Variants in AK4 observed in about 807,000 individuals in gnomAD.
AK4 encodes adenylate kinase 4.
A neutral mutation model predicts 24.6 loss-of-function variants in AK4; 13 were observed. The ratio of observed to expected loss-of-function variants is 0.53; its 90% CI spans 0.34 to 0.84. The LOEUF (loss-of-function observed/expected upper bound fraction) is 0.84. Among genes scored for constraint, AK4 ranks in the 40% least tolerant of loss-of-function variants. The probability of loss-of-function intolerance (pLI) is 0.01; values close to 1 mark genes in which losing one functional copy is unlikely to be tolerated. For synonymous variants in AK4, 88 were observed against 107.0 expected (o/e 0.82, Z 1.10); for missense variants, 192 against 288.2 (o/e 0.67, Z 2.42).
chr1:65,168,232 C>T (rs899665755), intron 1 of AK4, among the ~76,000 whole-genome samples: 4 of 150,914 alleles, frequency 2.7e-5, no homozygotes, highest in South Asian at 2.1e-4. Context: ...ATTGCAACTC[C>T]GCCTCCCGGG....
intron 1 of AK4, among the ~76,000 whole-genome samples, chr1:65,157,681 C>T (rs188889627): frequency 4.6e-5 from 7 of 151,882 alleles, no homozygotes; most frequent in East Asian, 3.9e-4. Flanking sequence ...CTCAGCTACT[C>T]GGGAGGTTGA....
At chr1:65,219,442 T>C (rs1284613441) in intron 3 of AK4, among the ~76,000 whole-genome samples, 1 of 152,144 alleles carries the variant, frequency 6.6e-6, no homozygotes, top group Non-Finnish European at 1.5e-5. Flanking sequence ...TGTTTCAATG[T>C]TGCTGTAGTG....
At chr1:65,148,133 T>G (rs7551080), upstream of AK4, 1 of 576,798 alleles carries the variant, frequency 1.7e-6, no homozygotes, top group Admixed American at 3.7e-5. Flanking sequence ...TTCAGCAGCT[T>G]TGCGTGGGGG....
At chr1:65,188,544 T>C (rs187799710) in intron 1 of AK4, among the ~76,000 whole-genome samples, 2 of 152,234 alleles carry the variant, frequency 1.3e-5, no homozygotes, top group Non-Finnish European at 2.9e-5. Flanking sequence ...AGTGGCGTGA[T>C]CTTGGCTCAC....
At chr1:65,210,755 A>AT (rs775284258) in intron 2 of AK4, among the ~76,000 whole-genome samples, 1 of 151,730 alleles carries the variant, frequency 6.6e-6, no homozygotes, top group Non-Finnish European at 1.5e-5. Context: ...CATTGCCTTC[A>AT]TTTTTTCCCA....
chr1:65,187,603 G>A (rs1351030955), intron 1 of AK4, among the ~76,000 whole-genome samples: 1 of 152,102 alleles, frequency 6.6e-6, no homozygotes, highest in African/African-American at 2.4e-5. Context: ...TCACAATAAA[G>A]CTGTCATAAA....
chr1:65,200,421 AC>A (rs1352380093), intron 2 of AK4, among the ~76,000 whole-genome samples: 1 of 152,032 alleles, frequency 6.6e-6, no homozygotes, highest in Non-Finnish European at 1.5e-5. Flanking sequence ...GGTCTAGGTA[AC>A]AGTTTTCTAA....
chr1:65,193,956 G>T (rs118168362), intron 2 of AK4, among the ~76,000 whole-genome samples: 12,755 of 152,232 alleles, frequency 0.084, 710 homozygotes, highest in Admixed American at 0.21. Flanking sequence ...GCCGGGTGTG[G>T]TGGCATGTGC....
In AK4 at chr1:65,148,631, G is replaced by C. The variant is rs988861325; in HGVS notation, c.145+79G>C. ...GGCCCTGGAGGGACTGGGGCTCCCGGATCACGGCGCCCTTCCCCCGCCCGC... is the reference window on the plus strand; with the variant it reads ...GGCCCTGGAGGGACTGGGGCTCCCGCATCACGGCGCCCTTCCCCCGCCCGC... On this transcript the variant is annotated intron_variant, in intron 1 of 4. Transcript: ENST00000327299. The C allele has an allele frequency of 3.5e-6, 5 of 1,436,368 alleles. 1 individual carries two copies. The highest frequency in any genetic ancestry group is 3.0e-5 in the South Asian group (2 of 67,376). 89.0% of individuals were successfully genotyped at this position (1,436,368 alleles called of 1,614,324 possible).
At chr1:65,211,299 T>C (rs919818657) in intron 2 of AK4, among the ~76,000 whole-genome samples, 12 of 152,214 alleles carry the variant, frequency 7.9e-5, no homozygotes, top group Non-Finnish European at 1.5e-4. Context: ...GAACATTTGT[T>C]GTGTGTATGT....
At chr1:65,172,015 T>C (rs944120828) in intron 1 of AK4, among the ~76,000 whole-genome samples, 6 of 141,246 alleles carry the variant, frequency 4.2e-5, no homozygotes, top group Admixed American at 1.5e-4. Context: ...AAGCCAAGAT[T>C]GTGTCACTGC....
At position 65,220,960 on chromosome 1, in the gene AK4, T is replaced by C. The variant is rs144021673; in HGVS notation, c.438+2034T>C. Among the ~76,000 whole-genome samples the C allele has an allele frequency of 6.7e-3, 1,025 of 152,180 alleles. 10 individuals are homozygous for C. The highest frequency in any genetic ancestry group is 0.024 in the African/African-American group (983 of 41,506). ...GGAACTGGATGAGGGAAAGGAATCA[T>C]AGTTGATGTGCAGAGTGGGTAGTTA... On this transcript the variant is annotated intron_variant, in intron 3 of 4. Coordinates refer to ENST00000327299, the MANE Select transcript of AK4 (RefSeq NM_013410.4).
intron 1 of AK4, chr1:65,154,529 G>T: frequency 1.9e-6 from 1 of 527,080 alleles, no homozygotes; most frequent in Non-Finnish European, 3.8e-6. Flanking sequence ...TTCAGCCAGG[G>T]TTCTCGCTCT....
At chr1:65,185,980 A>C (rs539066237) in intron 1 of AK4, among the ~76,000 whole-genome samples, 3 of 152,026 alleles carry the variant, frequency 2.0e-5, no homozygotes, top group Non-Finnish European at 4.4e-5. Context: ...AAAGGTTGCT[A>C]TCTGGTGAGG....
chr1:65,152,379 TATATA>T (rs1309471584), intron 1 of AK4, among the ~76,000 whole-genome samples: 99 of 74,898 alleles, frequency 1.3e-3, no homozygotes, highest in African/African-American at 3.2e-3. Context: ...TATATATATA[TATATA>T]TTTTTTTTTT....
In AK4 at chr1:65,161,586, T is replaced by G. The variant is rs537144001; in HGVS notation, c.145+13034T>G. ...ACACCTGTTGCAGCTACAGGTCATT[T>G]TCTTCTCTAAAATTCTCTCATACCC... On this transcript the variant is annotated intron_variant, in intron 1 of 4. Coordinates refer to ENST00000327299, the MANE Select transcript of AK4 (RefSeq NM_013410.4). Among the ~76,000 whole-genome samples, 8 of 152,358 alleles carry G rather than the reference T, an allele frequency of 5.3e-5. No homozygotes were observed. In the South Asian group the frequency reaches 1.7e-3, roughly 32 times the overall value.
intron 1 of AK4, among the ~76,000 whole-genome samples, chr1:65,161,720 A>G (rs6690851): frequency 0.047 from 7,171 of 152,136 alleles, 444 homozygotes; most frequent in African/African-American, 0.15. Context: ...ATGACGGTTC[A>G]GTTCAACTAA....
intron 1 of AK4, among the ~76,000 whole-genome samples, chr1:65,190,379 C>T (rs1651261872): frequency 6.7e-6 from 1 of 149,058 alleles, no homozygotes. Flanking sequence ...CCTCCCACCT[C>T]ATCCTCCCAA....
chr1:65,204,175 G>T (rs1315002478), intron 2 of AK4, among the ~76,000 whole-genome samples: 1 of 151,378 alleles, frequency 6.6e-6, no homozygotes, highest in Non-Finnish European at 1.5e-5. Context: ...GACTTTATAT[G>T]CTTTAAAAAA....
Sources: allele counts gnomAD v4.1 joint callset (sites outside exome capture counted in the v4.1 genomes callset), GRCh38; gene constraint gnomAD v4.1.1; transcripts MANE v1.5; gene names NCBI Gene and HGNC (gene_info 2026-07-23, HGNC 2026-07-21).